The following SESN1 variants were observed in gnomAD, a reference collection of about 807,000 sequenced individuals.
The protein encoded by SESN1 is sestrin-1.
SESN1 carries 30 observed loss-of-function variants against 59.3 expected under a neutral mutation model. That is an observed-to-expected ratio of 0.51 (90% CI 0.38 to 0.69). The LOEUF is 0.69. Among genes scored for constraint, SESN1 ranks in the 30% least tolerant of loss-of-function variants. The pLI, the probability that SESN1 is intolerant of heterozygous loss-of-function variation, is 0.00. For missense variants in SESN1, 566 were observed against 673.0 expected (o/e 0.84, Z 1.76); for synonymous variants, 197 against 219.9 (o/e 0.90, Z 0.92).
At chr6:109,062,826 C>A (rs1374412409) in intron 1 of SESN1, among the ~76,000 whole-genome samples, 2 of 151,878 alleles carry the variant, frequency 1.3e-5, no homozygotes, top group African/African-American at 2.4e-5. Context: ...CACTAAGTAA[C>A]AATAAAATAG....
intron 5 of SESN1, among the ~76,000 whole-genome samples, chr6:108,997,027 A>G (rs981330881): frequency 7.0e-6 from 1 of 142,366 alleles, no homozygotes; most frequent in Non-Finnish European, 1.5e-5. Context: ...AGTAGTTTCC[A>G]GGGTTGGGAG....
intron 1 of SESN1, among the ~76,000 whole-genome samples, chr6:109,033,791 A>C (rs1780216547): frequency 6.6e-6 from 1 of 152,220 alleles, no homozygotes; most frequent in African/African-American, 2.4e-5. Context: ...TGGACAGAAG[A>C]AATATTTATA....
At chr6:109,032,787 G>A (rs958309003) in intron 1 of SESN1, among the ~76,000 whole-genome samples, 3 of 152,130 alleles carry the variant, frequency 2.0e-5, no homozygotes, top group East Asian at 1.9e-4. Context: ...GGGAGGGCTC[G>A]ATCAGGGTCA....
chr6:109,040,278 A>T (rs1421980184), intron 1 of SESN1, among the ~76,000 whole-genome samples: 2 of 152,108 alleles, frequency 1.3e-5, no homozygotes, highest in Non-Finnish European at 2.9e-5. Flanking sequence ...ATTCCTTTTT[A>T]TTATATTTAA....
chr6:109,037,001 G>C (rs1184019485), intron 1 of SESN1, among the ~76,000 whole-genome samples: 2 of 152,168 alleles, frequency 1.3e-5, no homozygotes, highest in Non-Finnish European at 2.9e-5. Flanking sequence ...TACCGATCAA[G>C]GTCCCTTGTC....
At chr6:109,008,310 T>C (rs1387035683) in intron 1 of SESN1, among the ~76,000 whole-genome samples, 1 of 152,194 alleles carries the variant, frequency 6.6e-6, no homozygotes, top group Non-Finnish European at 1.5e-5. Context: ...AAACTGTAAA[T>C]GTTAATTCAA....
At chr6:109,070,916 G>C (rs933739945) in intron 1 of SESN1, among the ~76,000 whole-genome samples, 1 of 152,186 alleles carries the variant, frequency 6.6e-6, no homozygotes, top group Non-Finnish European at 1.5e-5. Context: ...ACCTTGAGTA[G>C]TAAGAGCGTA....
At chr6:109,044,572 A>C (rs140188157) in intron 1 of SESN1, among the ~76,000 whole-genome samples, 1 of 152,098 alleles carries the variant, frequency 6.6e-6, no homozygotes, top group South Asian at 2.1e-4. Flanking sequence ...GAATATCTAC[A>C]TCTAGATCAC....
At chr6:109,020,279 C>T (rs1779990155) in intron 1 of SESN1, among the ~76,000 whole-genome samples, 1 of 152,118 alleles carries the variant, frequency 6.6e-6, no homozygotes, top group Middle Eastern at 3.2e-3. Flanking sequence ...AAAATCTTCT[C>T]ACCAACTCTT....
intron 5 of SESN1, 74 bp downstream of exon 5, chr6:108,998,439 G>A: frequency 6.4e-7 from 1 of 1,564,348 alleles, no homozygotes; most frequent in Non-Finnish European, 8.7e-7. Context: ...TTTCTAAGAA[G>A]CCAACTGAAG....
chr6:109,030,465 G>C (rs1780165502), intron 1 of SESN1, among the ~76,000 whole-genome samples: 1 of 152,164 alleles, frequency 6.6e-6, no homozygotes, highest in Non-Finnish European at 1.5e-5. Flanking sequence ...TGTATCAATA[G>C]ATGAGGCACC....
rs2114320705 is a variant in SESN1 at position 109,004,655 on chromosome 6, C to A, written c.280-2312G>T. 1.3e-5 allele frequency among the ~76,000 whole-genome samples: 2 copies of A among 152,266 alleles called. 1 individual carries two copies. Among genetic ancestry groups the A allele is most frequent in the East Asian group, 3.9e-4 (2 of 5,184 alleles). ...CCATGTTAGCCAGGATGGTCTCAAT[C>A]TCCTGACCTCGTGATGCGCCCACCT... On this transcript the variant is annotated intron_variant, in intron 1 of 9. Transcript: ENST00000436639.
At chr6:109,049,683 GGA>G (rs1423255588) in intron 1 of SESN1, among the ~76,000 whole-genome samples, 2 of 150,474 alleles carry the variant, frequency 1.3e-5, no homozygotes, top group Non-Finnish European at 3.0e-5. Context: ...AAAATAAAAA[GGA>G]GAGGGGACGT....
chr6:109,057,058 CCTG>C (rs925567365), intron 1 of SESN1, among the ~76,000 whole-genome samples: 2 of 152,144 alleles, frequency 1.3e-5, no homozygotes, highest in Non-Finnish European at 2.9e-5. Context: ...ACTGAATTCT[CCTG>C]CTGACAGTCA....
At position 108,994,163 on chromosome 6, in the gene SESN1, A is replaced by AAG. The variant is rs1554262755; in HGVS notation, c.1120+298_1120+299insCT. Among the ~76,000 whole-genome samples, 10 of 147,060 alleles carry AAG rather than the reference A, an allele frequency of 6.8e-5. 1 individual carries two copies. Among genetic ancestry groups the AAG allele is most frequent in the South Asian group, 2.2e-4 (1 of 4,630 alleles). On this transcript the variant is annotated intron_variant, in intron 6 of 9. Coordinates refer to ENST00000436639, the MANE Select transcript of SESN1 (RefSeq NM_014454.3). ...CTTAAAAAAAAAAAAAAAAAAAAAA[A>AAG]GAGAAAAAAGAGGGCACTCATATGT...
At position 109,064,448 on chromosome 6, in the gene SESN1, A is replaced by G. The variant is rs74853619; in HGVS notation, c.279+29347T>C. The stretch of plus-strand genomic sequence containing the variant: ...TGTACTAATTAACACCAAAATAGAA[A>G]ATGATTTAGGACAGTATGTGCTTTA... On this transcript the variant is annotated intron_variant, in intron 1 of 9. Coordinates refer to ENST00000436639, the MANE Select transcript of SESN1 (RefSeq NM_014454.3). Among the ~76,000 whole-genome samples the G allele has an allele frequency of 7.8e-3, 1,169 of 150,788 alleles. 21 individuals are homozygous for G. The highest frequency in any genetic ancestry group is 0.027 in the African/African-American group (1,122 of 40,846).
At chr6:108,999,293 T>A (rs1405025144) in intron 4 of SESN1, among the ~76,000 whole-genome samples, 1 of 152,182 alleles carries the variant, frequency 6.6e-6, no homozygotes, top group Non-Finnish European at 1.5e-5. Context: ...TCATTATCTA[T>A]TTTGTAATCT....
chr6:109,040,900 C>G (rs1780329808), intron 1 of SESN1, among the ~76,000 whole-genome samples: 1 of 152,024 alleles, frequency 6.6e-6, no homozygotes, highest in Non-Finnish European at 1.5e-5. Flanking sequence ...GATCTGCCCG[C>G]CTCAGCCTCC....
Position 109,000,472 on chromosome 6 carries a change from A to G in SESN1, c.729+19T>C. ...AAAAGTCTGAAATGACTCCCAAGAT[A>G]TATTACCCCACTGCTTACCTCAATG... On this transcript the variant is annotated intron_variant, in intron 4 of 9. Coordinates refer to ENST00000436639, the MANE Select transcript of SESN1 (RefSeq NM_014454.3). 2 of 1,490,276 alleles carry G rather than the reference A, an allele frequency of 1.3e-6. No individual in the cohort carries two copies. Among genetic ancestry groups the G allele is most frequent in the Non-Finnish European group, 9.0e-7 (1 of 1,115,548 alleles). The allele number at this position is 1,490,276 out of a possible 1,614,324, so 92.3% of individuals were successfully genotyped here.
Sources: allele counts gnomAD v4.1 joint callset (sites outside exome capture counted in the v4.1 genomes callset), GRCh38; gene constraint gnomAD v4.1.1; transcripts MANE v1.5; gene names NCBI Gene and HGNC (gene_info 2026-07-23, HGNC 2026-07-21).